RANBP2: variants seen among roughly 807,000 people sequenced by gnomAD.
The protein encoded by RANBP2 is E3 SUMO-protein ligase RanBP2.
A neutral mutation model predicts 303.6 loss-of-function variants in RANBP2; 57 were observed. The observed-to-expected ratio is 0.19, with a 90% CI of 0.15 to 0.23. The LOEUF (loss-of-function observed/expected upper bound fraction) is 0.23, where lower values mean the gene tolerates loss of function less well. Ranked by LOEUF, RANBP2 falls within the 10% of genes least tolerant of loss-of-function variation. RANBP2 has a pLI of 1.00. For missense variants in RANBP2, 3,138 were observed against 3,780.8 expected (o/e 0.83, Z 4.46); for synonymous variants, 1,167 against 1,301.5 (o/e 0.90, Z 2.23).
At chr2:109,575,531 T>TC in the RANBP2 span, among the ~76,000 whole-genome samples, 1 of 152,222 alleles carries the variant, frequency 6.6e-6, no homozygotes, top group East Asian at 1.9e-4. Context: ...TATTCAGCCT[T>TC]CAAGATGCAA....
At chr2:109,125,711 T>C in the RANBP2 span, among the ~76,000 whole-genome samples, 1 of 152,278 alleles carries the variant, frequency 6.6e-6, no homozygotes, top group East Asian at 1.9e-4. Flanking sequence ...CAGATCTTTT[T>C]AGGAATGGCT....
the RANBP2 span, among the ~76,000 whole-genome samples, chr2:109,347,052 G>A: frequency 6.6e-6 from 1 of 152,192 alleles, no homozygotes; most frequent in African/African-American, 2.4e-5. Flanking sequence ...TCCTCTGAGT[G>A]GAACGCTCAG....
At chr2:108,788,976 C>T, downstream of RANBP2, 3 of 1,613,352 alleles carry the variant, frequency 1.9e-6, no homozygotes, top group Non-Finnish European at 2.5e-6. Flanking sequence ...GGTAAAGTAC[C>T]CTGAAACTTT....
the RANBP2 span, chr2:109,616,779 G>A: frequency 1.8e-5 from 3 of 167,058 alleles, no homozygotes; most frequent in East Asian, 5.8e-4. Flanking sequence ...CCACTATTAA[G>A]GTACACCAGT....
chr2:109,614,683 CTG>C, the RANBP2 span: 1 of 1,486,684 alleles, frequency 6.7e-7, no homozygotes, highest in Non-Finnish European at 8.9e-7. Flanking sequence ...GCCGTGGCCA[CTG>C]TGCGCGTCGA....
At chr2:108,930,252 A>G in the RANBP2 span, 3 of 1,613,762 alleles carry the variant, frequency 1.9e-6, no homozygotes, top group Non-Finnish European at 2.5e-6. Context: ...CCTGCCAACA[A>G]AGGGGGGTGT....
the RANBP2 span, among the ~76,000 whole-genome samples, chr2:109,372,290 G>A: frequency 2.6e-5 from 4 of 152,334 alleles, no homozygotes; most frequent in East Asian, 7.7e-4. Flanking sequence ...TGTGCAGAAA[G>A]CATCTTAACA....
At chr2:109,512,628 G>A in the RANBP2 span, among the ~76,000 whole-genome samples, 30 of 152,150 alleles carry the variant, frequency 2.0e-4, no homozygotes, top group Admixed American at 1.4e-3. Context: ...GACTAGACCC[G>A]GCTTGCTGGG....
the RANBP2 span, chr2:109,585,143 T>A: frequency 6.3e-7 from 1 of 1,579,266 alleles, no homozygotes; most frequent in East Asian, 2.3e-5. Flanking sequence ...CTTTATTTAT[T>A]TGGTCACCAA....
the RANBP2 span, among the ~76,000 whole-genome samples, chr2:109,693,515 C>T: frequency 6.6e-6 from 1 of 152,128 alleles, no homozygotes; most frequent in South Asian, 2.1e-4. Context: ...ATACTGTTCT[C>T]GTGGTAGTGA....
the RANBP2 span, among the ~76,000 whole-genome samples, chr2:109,274,732 TGTA>T: frequency 2.0e-5 from 3 of 152,224 alleles, no homozygotes; most frequent in African/African-American, 7.2e-5. Context: ...ACATTGTGAA[TGTA>T]GTAAATGCCA....
At chr2:109,567,687 T>A in the RANBP2 span, 1 of 964,402 alleles carries the variant, frequency 1.0e-6, no homozygotes. Context: ...CTGGACTTTT[T>A]GAAAATTCAC....
At chr2:109,431,196 C>A in the RANBP2 span, among the ~76,000 whole-genome samples, 2 of 152,180 alleles carry the variant, frequency 1.3e-5, no homozygotes, top group Admixed American at 1.3e-4. Flanking sequence ...TCCCTCATAT[C>A]CCCAGAGATG....
chr2:109,604,398 G>GAGGGGAGGGGAGGGGAGGGGCAGGA, the RANBP2 span, among the ~76,000 whole-genome samples: 1 of 119,228 alleles, frequency 8.4e-6, no homozygotes, highest in African/African-American at 3.1e-5. Flanking sequence ...GAGGGGCGGG[G>GAGGGGAGGGGAGGGGAGGGGCAGGA]CGGGGAGAAA....
At chr2:108,812,593 G>T in the RANBP2 span, 1 of 1,459,556 alleles carries the variant, frequency 6.9e-7, no homozygotes, top group South Asian at 1.1e-5. Flanking sequence ...ACCAGTTGAA[G>T]GTGTATATTG....
At chr2:109,404,775 C>T in the RANBP2 span, among the ~76,000 whole-genome samples, 7 of 152,124 alleles carry the variant, frequency 4.6e-5, no homozygotes, top group East Asian at 1.9e-4. Flanking sequence ...CTCTGCAGTC[C>T]GATCTTGCCC....
the RANBP2 span, among the ~76,000 whole-genome samples, chr2:109,708,623 C>G: frequency 2.0e-5 from 3 of 151,830 alleles, no homozygotes; most frequent in Admixed American, 6.6e-5. Flanking sequence ...TGTACTCCAT[C>G]CTGAGCAACA....
the RANBP2 span, chr2:109,398,457 T>C: frequency 1.2e-6 from 1 of 845,564 alleles, no homozygotes; most frequent in African/African-American, 1.7e-5. Context: ...CTCTTCTGTG[T>C]TTTCCCTGCA....
At chr2:109,171,224 A>G in the RANBP2 span, among the ~76,000 whole-genome samples, 1 of 152,230 alleles carries the variant, frequency 6.6e-6, no homozygotes, top group Non-Finnish European at 1.5e-5. Flanking sequence ...ATATAACCAT[A>G]TTATGGCTGT....
Sources: allele counts gnomAD v4.1 joint callset (sites outside exome capture counted in the v4.1 genomes callset), GRCh38; gene constraint gnomAD v4.1.1; transcripts MANE v1.5; gene names NCBI Gene and HGNC (gene_info 2026-07-23, HGNC 2026-07-21).